Variants in CNBD1 observed in about 807,000 individuals in gnomAD.
CNBD1 encodes cyclic nucleotide-binding domain-containing protein 1.
In CNBD1, 71 loss-of-function variants were observed where a neutral mutation model predicts 54.4. The observed-to-expected ratio is 1.30, with a 90% CI of 1.08 to 1.59. The LOEUF (loss-of-function observed/expected upper bound fraction) is 1.59, where lower values mean the gene tolerates loss of function less well. CNBD1 is among the 40% of genes most tolerant of loss of function. CNBD1 has a pLI of 0.00. For synonymous variants in CNBD1, 182 were observed against 170.7 expected (o/e 1.07, Z -0.51); for missense variants, 659 against 518.0 (o/e 1.27, Z -2.64).
intron 4 of CNBD1, among the ~76,000 whole-genome samples, chr8:87,024,294 A>G (rs1809575961): frequency 6.6e-6 from 1 of 151,122 alleles, no homozygotes. Flanking sequence ...AGTTTACAAA[A>G]TATAGGGATT....
chr8:87,031,535 C>T (rs892814464), intron 4 of CNBD1, among the ~76,000 whole-genome samples: 2 of 152,174 alleles, frequency 1.3e-5, no homozygotes, highest in Non-Finnish European at 2.9e-5. Context: ...ACTCATACTC[C>T]AGGATGATCT....
At position 86,866,532 on chromosome 8, in the gene CNBD1, C is replaced by G. The variant is rs762891809; in HGVS notation, c.37C>G (p.His13Asp). The G allele has an allele frequency of 1.2e-6, 2 of 1,612,274 alleles. No individual in the cohort carries two copies. Among genetic ancestry groups the G allele is most frequent in the Non-Finnish European group, 8.5e-7 (1 of 1,179,262 alleles). Residue 13 changes from histidine to aspartate, a missense_variant, in exon 1 of 11, where the codon CAC (histidine) becomes GAC (aspartate). Coordinates refer to ENST00000518476, the MANE Select transcript of CNBD1 (RefSeq NM_173538.3). ...TTCTCTTCCAGCAGCTATTTTGTCTCACATGACAGCTATTAACAATGTGCC... is the reference window on the plus strand; with the variant it reads ...TTCTCTTCCAGCAGCTATTTTGTCTGACATGACAGCTATTAACAATGTGCC... ...MSSLPAAILS[H>D]MTAINNVPPP...
intron 8 of CNBD1, among the ~76,000 whole-genome samples, chr8:87,350,248 T>A (rs1456053168): frequency 6.6e-6 from 1 of 152,126 alleles, no homozygotes; most frequent in Non-Finnish European, 1.5e-5. Flanking sequence ...AATATCATTT[T>A]CTGCTGTAAA....
At chr8:86,997,279 T>C (rs1373858421) in intron 4 of CNBD1, among the ~76,000 whole-genome samples, 1 of 152,190 alleles carries the variant, frequency 6.6e-6, no homozygotes, top group Non-Finnish European at 1.5e-5. Flanking sequence ...TGAAGACTCC[T>C]TTTGGAACAC....
intron 6 of CNBD1, among the ~76,000 whole-genome samples, chr8:87,283,183 C>G (rs1237489132): frequency 2.0e-5 from 3 of 151,884 alleles, no homozygotes; most frequent in African/African-American, 7.3e-5. Context: ...TTAAAATTAT[C>G]TTTAATCTAC....
At chr8:87,409,945 C>G (rs529636065) in intron 2 of CNBD1, among the ~76,000 whole-genome samples, 2 of 151,978 alleles carry the variant, frequency 1.3e-5, no homozygotes, top group Non-Finnish European at 2.9e-5. Context: ...ATCGCTTGAA[C>G]CCAGGAGAGG....
At chr8:87,260,417 G>A (rs1051282151) in intron 6 of CNBD1, among the ~76,000 whole-genome samples, 5 of 152,116 alleles carry the variant, frequency 3.3e-5, no homozygotes, top group East Asian at 1.9e-4. Flanking sequence ...GCCTAAGCCC[G>A]TATTTTTTCC....
chr8:87,019,943 G>C (rs1222170956), intron 4 of CNBD1, among the ~76,000 whole-genome samples: 1 of 152,020 alleles, frequency 6.6e-6, no homozygotes, highest in Non-Finnish European at 1.5e-5. Flanking sequence ...TCTCAAGTAA[G>C]ATTTATCAAA....
intron 6 of CNBD1, among the ~76,000 whole-genome samples, chr8:87,266,468 T>TTTTTTTTTA (rs1808261890): frequency 9.6e-6 from 1 of 104,462 alleles, no homozygotes; most frequent in Non-Finnish European, 1.9e-5. Context: ...TTTTTTTTTT[T>TTTTTTTTTA]GAGACAGAGT....
chr8:87,321,263 C>A (rs1312228560), intron 8 of CNBD1, among the ~76,000 whole-genome samples: 1 of 152,098 alleles, frequency 6.6e-6, no homozygotes, highest in Non-Finnish European at 1.5e-5. Flanking sequence ...TACTGTTTTC[C>A]ATAATAGCTG....
At chr8:87,140,285 A>G (rs1812346244) in intron 4 of CNBD1, among the ~76,000 whole-genome samples, 1 of 152,162 alleles carries the variant, frequency 6.6e-6, no homozygotes. Context: ...GAAATAACAA[A>G]TAATGTGAAA....
intron 8 of CNBD1, among the ~76,000 whole-genome samples, chr8:87,341,178 A>G (rs1007572664): frequency 1.3e-5 from 2 of 152,076 alleles, no homozygotes; most frequent in African/African-American, 4.8e-5. Context: ...TTAGGCACTC[A>G]TAACCTCTTG....
rs184244653 is a variant in CNBD1 at position 87,371,165 on chromosome 8, G to T, written c.1304-11455G>T. 1.4e-4 allele frequency among the ~76,000 whole-genome samples: 21 copies of T among 151,904 alleles called. No homozygotes were observed. In the East Asian group the frequency reaches 1.9e-3, roughly 14 times the overall value. On this transcript the variant is annotated intron_variant, in intron 10 of 10. Coordinates refer to ENST00000518476, the MANE Select transcript of CNBD1 (RefSeq NM_173538.3). ...ATAGTTTGAAGTCAGGTAGTGTGAT[G>T]CCTCCAGTTTTGTTCTTTCGGCTTA...
At chr8:86,922,526 TA>T (rs1809291694) in intron 3 of CNBD1, among the ~76,000 whole-genome samples, 1 of 152,080 alleles carries the variant, frequency 6.6e-6, no homozygotes, top group African/African-American at 2.4e-5. Flanking sequence ...TACCATGACA[TA>T]AAAAGGAAAG....
At chr8:87,373,509 C>T (rs1437964747) in intron 10 of CNBD1, among the ~76,000 whole-genome samples, 1 of 151,768 alleles carries the variant, frequency 6.6e-6, no homozygotes, top group Non-Finnish European at 1.5e-5. Flanking sequence ...ATTTTATACT[C>T]TTGTAATTAT....
At chr8:86,969,746 AT>A (rs1434022011) in intron 4 of CNBD1, among the ~76,000 whole-genome samples, 2 of 151,216 alleles carry the variant, frequency 1.3e-5, no homozygotes, top group Non-Finnish European at 3.0e-5. Flanking sequence ...AGTCATCTAA[AT>A]TTTTTTCTCC....
intron 4 of CNBD1, among the ~76,000 whole-genome samples, chr8:87,000,657 A>G (rs1808972756): frequency 6.6e-6 from 1 of 152,168 alleles, no homozygotes; most frequent in Admixed American, 6.6e-5. Context: ...CTGGGAATAT[A>G]TTCTGGTTGT....
chr8:86,897,915 G>C (rs1808872302), intron 2 of CNBD1, among the ~76,000 whole-genome samples: 1 of 152,026 alleles, frequency 6.6e-6, no homozygotes, highest in Non-Finnish European at 1.5e-5. Context: ...ATTTACAAGG[G>C]TGTTCACTGC....
At chr8:87,319,934 A>T (rs571144560) in intron 8 of CNBD1, among the ~76,000 whole-genome samples, 2 of 152,044 alleles carry the variant, frequency 1.3e-5, no homozygotes, top group South Asian at 4.1e-4. Context: ...ACAAAATTTT[A>T]TCTTTTCCCG....
Sources: gnomAD v4.1 joint callset for allele counts (sites outside exome capture counted in the v4.1 genomes callset) on GRCh38, gnomAD v4.1.1 for gene constraint, MANE v1.5 for transcripts, NCBI Gene and HGNC (gene_info 2026-07-23, HGNC 2026-07-21) for gene names.